Variants in ALDH3B1 observed in about 807,000 individuals in gnomAD.
ALDH3B1 encodes aldehyde dehydrogenase family 3 member B1.
In ALDH3B1, 37 loss-of-function variants were observed where a neutral mutation model predicts 46.2. That is an observed-to-expected ratio of 0.80 (90% CI 0.62 to 1.05). ALDH3B1 has a LOEUF of 1.05. ALDH3B1 is among the 50% of genes least tolerant of loss of function. ALDH3B1 has a pLI of 0.00. For synonymous variants in ALDH3B1, 283 were observed against 281.0 expected (o/e 1.01, Z -0.07); for missense variants, 603 against 665.5 (o/e 0.91, Z 1.03).
Position 68,027,893 on chromosome 11 carries a change from T to C in ALDH3B1, c.1361T>C (p.Leu454Pro), listed in dbSNP as rs1170572643. The change falls in exon 10 of 10, where the codon CTG becomes CCG. Residue 454 changes from leucine to proline, a missense_variant. By Grantham distance (98) the Leu-to-Pro change is moderately conservative. Transcript: ENST00000342456. ...PPQSPRRLRMLLVAMEAQGCS... is the reference protein window; with the variant it reads ...PPQSPRRLRMPLVAMEAQGCS... ...CAATCGCCGCGCCGCCTGAGGATGCTGCTGGTGGCCATGGAGGCCCAAGGC... is the reference window on the plus strand; with the variant it reads ...CAATCGCCGCGCCGCCTGAGGATGCCGCTGGTGGCCATGGAGGCCCAAGGC... The C allele has an allele frequency of 1.0e-5, 16 of 1,562,474 alleles. No homozygotes were observed. Among genetic ancestry groups the C allele is most frequent in the Non-Finnish European group, 1.3e-5 (15 of 1,156,952 alleles).
At chr11:68,012,069 G>A (rs1050337152) in intron 1 of ALDH3B1, among the ~76,000 whole-genome samples, 1 of 152,220 alleles carries the variant, frequency 6.6e-6, no homozygotes, top group African/African-American at 2.4e-5. Context: ...GGCCCATGGT[G>A]TAGATGAGGA....
chr11:68,020,188 G>A (rs1376657469), intron 6 of ALDH3B1, among the ~76,000 whole-genome samples: 1 of 152,144 alleles, frequency 6.6e-6, no homozygotes, highest in Non-Finnish European at 1.5e-5. Context: ...AGGCTGGAAT[G>A]TGCACACAAG....
intron 7 of ALDH3B1, among the ~76,000 whole-genome samples, 176 bp from the exon 8 acceptor site, chr11:68,022,419 G>T (rs1021447873): frequency 1.3e-5 from 2 of 152,184 alleles, no homozygotes; most frequent in Non-Finnish European, 2.9e-5. Flanking sequence ...AGTCCCTTCT[G>T]GGGGGCTGTG....
In ALDH3B1 at chr11:68,027,856, C is replaced by CG; in HGVS notation, c.1325dup (p.Tyr443LeufsTer39). On this transcript the variant is annotated frameshift_variant, in exon 10 of 10. Transcript: ENST00000342456. LOFTEE classifies it high-confidence loss of function. ...GGGGATGGAGAAGCTCAACGCCCTCCGCTACCCGCCGCAATCGCCGCGCCG... is the reference window on the plus strand; with the variant it reads ...GGGGATGGAGAAGCTCAACGCCCTCCGGCTACCCGCCGCAATCGCCGCGCCG... 1 of 1,550,514 alleles carries CG rather than the reference C, an allele frequency of 6.4e-7. No individual in the cohort carries two copies. The highest frequency in any genetic ancestry group is 8.7e-7 in the Non-Finnish European group (1 of 1,149,134).
At position 68,019,166 on chromosome 11, in the gene ALDH3B1, G is replaced by A. The variant is rs752547903; in HGVS notation, c.395-4G>A. 6.2e-7 allele frequency: 1 copy of A among 1,611,506 alleles called. No homozygotes were observed. Among genetic ancestry groups the A allele is most frequent in the South Asian group, 1.1e-5 (1 of 90,426 alleles). ...TCCAGCTCTCTCCCTGCACTGCCCT[G>A]CAGGGAACTGTGTGGTGCTGAAGCC... On this transcript the variant is annotated splice_region_variant and splice_polypyrimidine_tract_variant and intron_variant, in intron 4 of 9. Transcript: ENST00000342456.
chr11:68,023,134 G>A (rs1857544596), intron 8 of ALDH3B1, among the ~76,000 whole-genome samples: 1 of 152,116 alleles, frequency 6.6e-6, no homozygotes, highest in South Asian at 2.1e-4. Context: ...AAAGGTGCAG[G>A]TCCAAGAATG....
chr11:68,022,551 T>C (rs1436017834), intron 7 of ALDH3B1, 44 bp from the exon 8 acceptor site: 21 of 1,604,722 alleles, frequency 1.3e-5, no homozygotes, highest in Non-Finnish European at 1.8e-5. Flanking sequence ...CTGGGGGCGG[T>C]CCTGACTGTG....
intron 2 of ALDH3B1, chr11:68,015,884 G>A (rs1857341234): frequency 2.1e-5 from 7 of 331,632 alleles, no homozygotes; most frequent in South Asian, 1.6e-4. Context: ...TGGCCAACAT[G>A]GCGAAACCCC....
chr11:68,009,610 T>C (rs1179512334), upstream of ALDH3B1, among the ~76,000 whole-genome samples: 3 of 152,254 alleles, frequency 2.0e-5, no homozygotes, highest in Non-Finnish European at 4.4e-5. Flanking sequence ...GGGGGCTGCA[T>C]GCGTCAGCTA....
chr11:68,025,972 C>T (rs747912162), intron 8 of ALDH3B1, 37 bp from the exon 9 acceptor site: 2 of 1,466,318 alleles, frequency 1.4e-6, no homozygotes, highest in South Asian at 2.7e-5. Context: ...CCTGATGGGG[C>T]TCAAGGCAGC....
chr11:68,014,338 G>T (rs1565132959), intron 1 of ALDH3B1, among the ~76,000 whole-genome samples: 1 of 152,206 alleles, frequency 6.6e-6, no homozygotes, highest in Non-Finnish European at 1.5e-5. Context: ...AATCTGGGTG[G>T]GCTGCCTGGA....
Position 68,018,877 on chromosome 11 carries a change from G to A in ALDH3B1, c.378G>A (p.Val126=), listed in dbSNP as rs1367965864. Reference sequence around the variant, plus strand: ...TGAACCTGACGCTGGTGCCCCTCGTGGGAGCCCTCGCTGCAGGTGAGAGCT... The same window carrying A: ...TGAACCTGACGCTGGTGCCCCTCGTAGGAGCCCTCGCTGCAGGTGAGAGCT... ...YPLNLTLVPL[V]GALAAGNCVV... Residue 126 remains valine (V), a synonymous_variant, in exon 4 of 10, where the codon GTG becomes GTA. Coordinates refer to ENST00000342456, the MANE Select transcript of ALDH3B1 (RefSeq NM_000694.4). The A allele has an allele frequency of 1.3e-5, 21 of 1,557,404 alleles. No homozygotes were observed. The highest frequency in any genetic ancestry group is 1.7e-5 in the Non-Finnish European group (20 of 1,150,778).
chr11:68,008,939 C>T (rs1003672875), upstream of ALDH3B1, among the ~76,000 whole-genome samples: 10 of 151,908 alleles, frequency 6.6e-5, no homozygotes, highest in Admixed American at 2.0e-4. Flanking sequence ...CAGGTGTATC[C>T]GGGGCGGGCT....
At position 68,021,748 on chromosome 11, in the gene ALDH3B1, C is replaced by A. The variant is rs1213490476; in HGVS notation, c.826C>A (p.Pro276Thr). 1 of 1,614,192 alleles carries A rather than the reference C, an allele frequency of 6.2e-7. No homozygotes were observed. Among genetic ancestry groups the A allele is most frequent in the South Asian group, 1.1e-5 (1 of 91,088 alleles). ...CATCACCCGTTTCTATGGCGACGAC[C>A]CCCAGAGCTCCCCAAACCTGGGCCG... ...STITRFYGDDPQSSPNLGRII... is the reference protein window; with the variant it reads ...STITRFYGDDTQSSPNLGRII... The change falls in exon 7 of 10, where the codon CCC (proline) becomes ACC (threonine). Residue 276 changes from proline (P) to threonine (T), a missense_variant. By Grantham distance (38) the Pro-to-Thr change is conservative. Coordinates refer to ENST00000342456, the MANE Select transcript of ALDH3B1 (RefSeq NM_000694.4).
At chr11:68,015,546 C>T (rs139318234) in intron 2 of ALDH3B1, 87 bp downstream of exon 2, 18 of 1,522,422 alleles carry the variant, frequency 1.2e-5, no homozygotes, top group African/African-American at 1.1e-4. Flanking sequence ...AAGACACCTG[C>T]GCCCTCCATG....
At chr11:68,026,171 A>C in intron 9 of ALDH3B1, 63 bp downstream of exon 9, 1 of 1,381,328 alleles carries the variant, frequency 7.2e-7, no homozygotes. Context: ...TGTTACCTGC[A>C]TACATTTCTG....
At chr11:68,019,645 A>G in intron 5 of ALDH3B1, 70 bp from the exon 6 acceptor site, 1 of 1,542,818 alleles carries the variant, frequency 6.5e-7, no homozygotes, top group Non-Finnish European at 8.9e-7. Context: ...GGGTCCAGGC[A>G]GGGCGGGCTG....
At chr11:68,018,384 G>T in intron 2 of ALDH3B1, 143 bp from the exon 3 acceptor site, 1 of 693,232 alleles carries the variant, frequency 1.4e-6, no homozygotes, top group Admixed American at 2.7e-5. Context: ...CAGGAAGCAC[G>T]CACTGAACAT....
chr11:68,025,859 T>A (rs1309944473), intron 8 of ALDH3B1, 150 bp from the exon 9 acceptor site: 1 of 498,940 alleles, frequency 2.0e-6, no homozygotes, highest in Admixed American at 4.1e-5. Flanking sequence ...GCCCCACCTG[T>A]ACCATCACAG....
Sources: gnomAD v4.1 joint callset for allele counts (sites outside exome capture counted in the v4.1 genomes callset) on GRCh38, gnomAD v4.1.1 for gene constraint, MANE v1.5 for transcripts, NCBI Gene and HGNC (gene_info 2026-07-23, HGNC 2026-07-21) for gene names.